Variants in PCDHA4 observed in about 807,000 individuals in gnomAD.
PCDHA4 encodes the protein protocadherin alpha 4.
In PCDHA4, 49 loss-of-function variants were observed where a neutral mutation model predicts 61.4. The ratio of observed to expected loss-of-function variants is 0.80; its 90% CI spans 0.63 to 1.01. The LOEUF (loss-of-function observed/expected upper bound fraction) is 1.01, where lower values mean the gene tolerates loss of function less well. Among genes scored for constraint, PCDHA4 ranks in the 50% least tolerant of loss-of-function variants. The probability of loss-of-function intolerance (pLI) is 0.00; values close to 1 mark genes in which losing one functional copy is unlikely to be tolerated. For missense variants in PCDHA4, 1,254 were observed against 1,235.8 expected (o/e 1.01, Z -0.22); for synonymous variants, 590 against 550.3 (o/e 1.07, Z -1.01).
chr5:140,823,191 C>T lies in PCDHA4; in HGVS notation c.2385+13619C>T, dbSNP rs2150123278. 1.1e-5 allele frequency: 18 copies of T among 1,613,916 alleles called. No individual in the cohort carries two copies. In the South Asian group the frequency reaches 1.5e-4, roughly 14 times the overall value. ...AGGAGAACAACCCGCCAGGCTGCCA[C>T]ATCTTCACGGTGTCTGCACGGGACG... is the stretch of plus-strand genomic sequence containing the variant. On this transcript the variant is annotated intron_variant, in intron 1 of 3. Coordinates refer to ENST00000530339, the MANE Select transcript of PCDHA4 (RefSeq NM_018907.4).
At chr5:140,884,390 T>C in intron 1 of PCDHA4, 7 of 1,613,968 alleles carry the variant, frequency 4.3e-6, no homozygotes, top group Middle Eastern at 1.6e-4. Context: ...CTGCGCGGTG[T>C]CCAGCCTGTT....
Position 140,917,790 on chromosome 5 carries a change from A to G in PCDHA4, c.2386-61159A>G, listed in dbSNP as rs540599117. The stretch of plus-strand genomic sequence containing the variant: ...GTATTAGTACCATGTTGTTTTGGTT[A>G]CTGTAGCCTTGCAGTATAGTTGAAG... On this transcript the variant is annotated intron_variant, in intron 1 of 3. Coordinates refer to ENST00000530339, the MANE Select transcript of PCDHA4 (RefSeq NM_018907.4). Among the ~76,000 whole-genome samples the G allele has an allele frequency of 4.6e-5, 7 of 152,046 alleles. No homozygotes were observed. In the East Asian group the frequency reaches 1.2e-3, roughly 25 times the overall value.
chr5:140,868,102 T>C (rs2153230741), intron 1 of PCDHA4: 1 of 152,242 alleles, frequency 6.6e-6, no homozygotes, highest in Admixed American at 6.5e-5. Flanking sequence ...ATAATAAAAT[T>C]TATTTTATAG....
chr5:140,842,154 C>A, intron 1 of PCDHA4: 1 of 1,613,876 alleles, frequency 6.2e-7, no homozygotes, highest in Non-Finnish European at 8.5e-7. Flanking sequence ...GGGGCAATTT[C>A]ATATTCTTTT....
chr5:140,959,373 C>CA lies in PCDHA4; in HGVS notation c.2386-19566dup, dbSNP rs1243465116. Among the ~76,000 whole-genome samples the CA allele has an allele frequency of 8.3e-3, 1,208 of 145,190 alleles. 7 individuals carry two copies. Among genetic ancestry groups the CA allele is most frequent in the Admixed American group, 0.016 (228 of 14,544 alleles). ...GGGACAACTGAGTGAGACCCTGTCT[C>CA]AAAAAAAAAAGTCACAAATTAAGAT... On this transcript the variant is annotated intron_variant, in intron 1 of 3. Coordinates refer to ENST00000530339, the MANE Select transcript of PCDHA4 (RefSeq NM_018907.4).
intron 1 of PCDHA4, chr5:140,966,805 T>C (rs1554228690): frequency 6.5e-7 from 1 of 1,545,566 alleles, no homozygotes; most frequent in South Asian, 1.2e-5. Flanking sequence ...CGACAGAGCA[T>C]CCACGGCTCC....
chr5:140,816,229 A>G (rs1765869006), intron 1 of PCDHA4: 1 of 152,116 alleles, frequency 6.6e-6, no homozygotes, highest in Non-Finnish European at 1.5e-5. Flanking sequence ...TGTCTGGATA[A>G]TTTCAAATGA....
chr5:140,876,860 T>C (rs2056650252), intron 1 of PCDHA4: 1 of 1,613,918 alleles, frequency 6.2e-7, no homozygotes, highest in African/African-American at 1.3e-5. Context: ...TACACAGTGT[T>C]CGTGAAGGAG....
intron 1 of PCDHA4, chr5:140,854,285 T>C (rs888416864): frequency 1.9e-6 from 1 of 521,658 alleles, no homozygotes; most frequent in Admixed American, 6.5e-5. Flanking sequence ...GAGTTTAGTT[T>C]TTATTATTTT....
intron 3 of PCDHA4, among the ~76,000 whole-genome samples, chr5:141,009,392 G>A (rs1016452113): frequency 2.6e-5 from 4 of 152,184 alleles, no homozygotes; most frequent in Non-Finnish European, 4.4e-5. Flanking sequence ...ACAGGAGGTC[G>A]AGGCTGCAGT....
intron 1 of PCDHA4, among the ~76,000 whole-genome samples, chr5:140,924,551 AT>A (rs2153572839): frequency 6.6e-6 from 1 of 152,240 alleles, no homozygotes; most frequent in African/African-American, 2.4e-5. Context: ...TCTCCCCACC[AT>A]TTTAATCAGC....
rs1231987544 is a variant in PCDHA4 at position 140,807,292 on chromosome 5, C to G, written c.105C>G (p.Val35=). The G allele has an allele frequency of 1.9e-6, 3 of 1,614,116 alleles. No homozygotes were observed. In the East Asian group the frequency reaches 6.7e-5, roughly 36 times the overall value. Residue 35 remains valine, a synonymous_variant, in exon 1 of 4, where the codon GTC becomes GTG. Transcript: ENST00000530339. Reference sequence around the variant, plus strand: ...GGAACGGTCAGCTCCACTACTCGGTCTCCGAGGAGGCCAAACACGGCACCT... The same window carrying G: ...GGAACGGTCAGCTCCACTACTCGGTGTCCGAGGAGGCCAAACACGGCACCT... ...EAGNGQLHYS[V]SEEAKHGTFV...
intron 3 of PCDHA4, among the ~76,000 whole-genome samples, chr5:140,995,128 C>T (rs2097665772): frequency 6.6e-6 from 1 of 152,146 alleles, no homozygotes; most frequent in African/African-American, 2.4e-5. Context: ...ATGCCTGAAA[C>T]CTCATTTAGT....
At chr5:140,982,845 C>A (rs1436674965) in intron 3 of PCDHA4, among the ~76,000 whole-genome samples, 1 of 151,978 alleles carries the variant, frequency 6.6e-6, no homozygotes, top group Non-Finnish European at 1.5e-5. Flanking sequence ...TTGTTTAAAT[C>A]AGGTACCTTT....
rs1451689285 is a variant in PCDHA4 at position 140,808,858 on chromosome 5, C to T, written c.1671C>T (p.Asp557=). ...SNVTLQVFVL[D]ENDNAPALLA... ...TGACGCTGCAGGTGTTCGTGCTGGA[C>T]GAAAACGACAACGCGCCAGCACTGC... The change falls in exon 1 of 4, where the codon GAC becomes GAT. Residue 557 remains aspartate (D), a synonymous_variant. Coordinates refer to ENST00000530339, the MANE Select transcript of PCDHA4 (RefSeq NM_018907.4). 2 of 1,613,088 alleles carry T rather than the reference C, an allele frequency of 1.2e-6. No homozygotes were observed. Among genetic ancestry groups the T allele is most frequent in the African/African-American group, 1.3e-5 (1 of 75,058 alleles).
chr5:140,858,005 C>T, intron 1 of PCDHA4: 1 of 1,596,884 alleles, frequency 6.3e-7, no homozygotes, highest in East Asian at 2.2e-5. Flanking sequence ...GGTGAAGGAC[C>T]ATGGCGAGCC....
At chr5:140,822,812 C>A in intron 1 of PCDHA4, 2 of 1,614,074 alleles carry the variant, frequency 1.2e-6, no homozygotes, top group Non-Finnish European at 1.7e-6. Flanking sequence ...AATGATAATA[C>A]CCCAGAGATG....
intron 1 of PCDHA4, chr5:140,848,196 A>T: frequency 3.3e-6 from 1 of 307,634 alleles, no homozygotes. Context: ...CTTCTGTTTC[A>T]ACAATCATTA....
chr5:140,982,583 C>T lies in PCDHA4; in HGVS notation c.2533+20C>T, dbSNP rs1251252617. ...CACCAGGTAAAGAGCTGGGGTCTCT[C>T]CATTCTTTCTTGGTTTCTGGAAAGT... is the stretch of plus-strand genomic sequence containing the variant. On this transcript the variant is annotated intron_variant, in intron 3 of 3. Coordinates refer to ENST00000530339, the MANE Select transcript of PCDHA4 (RefSeq NM_018907.4). The T allele has an allele frequency of 1.2e-6, 2 of 1,612,084 alleles. No homozygotes were observed. The highest frequency in any genetic ancestry group is 4.5e-5 in the East Asian group (2 of 44,856).
Sources: gnomAD v4.1 joint callset for allele counts (sites outside exome capture counted in the v4.1 genomes callset) on GRCh38, gnomAD v4.1.1 for gene constraint, MANE v1.5 for transcripts, NCBI Gene and HGNC (gene_info 2026-07-23, HGNC 2026-07-21) for gene names.